Variants in ALK observed in about 807,000 individuals in gnomAD.
The protein encoded by ALK is ALK tyrosine kinase receptor.
Under a neutral mutation model 163.1 loss-of-function variants are expected in ALK, and 74 were observed. That is an observed-to-expected ratio of 0.45 (90% CI 0.38 to 0.55). ALK has a LOEUF of 0.55. Among genes scored for constraint, ALK ranks in the 20% least tolerant of loss-of-function variants. The pLI is 0.00. For missense variants in ALK, 2,063 were observed against 2,105.3 expected (o/e 0.98, Z 0.39); for synonymous variants, 960 against 843.2 (o/e 1.14, Z -2.40).
intron 3 of ALK, 97 bp downstream of exon 3, chr2:29,694,753 A>G: frequency 6.7e-7 from 1 of 1,494,214 alleles, no homozygotes; most frequent in East Asian, 2.3e-5. Context: ...AAGTAAACAG[A>G]GCAGAACAGG....
At chr2:29,592,818 A>G (rs1243806554) in intron 3 of ALK, among the ~76,000 whole-genome samples, 1 of 152,170 alleles carries the variant, frequency 6.6e-6, no homozygotes, top group Non-Finnish European at 1.5e-5. Flanking sequence ...AGACATACAT[A>G]TGAGGAAGGA....
chr2:29,488,141 C>T (rs936287342), intron 4 of ALK, among the ~76,000 whole-genome samples: 1 of 152,180 alleles, frequency 6.6e-6, no homozygotes, highest in Non-Finnish European at 1.5e-5. Context: ...AACCCCAGAA[C>T]AGTTCTCTGG....
chr2:29,448,983 C>G (rs956537578), intron 4 of ALK, among the ~76,000 whole-genome samples: 33 of 152,184 alleles, frequency 2.2e-4, no homozygotes, highest in African/African-American at 7.5e-4. Context: ...CAAAACCCCT[C>G]TACTTTACAT....
At chr2:29,377,840 A>G (rs1279032930) in intron 5 of ALK, among the ~76,000 whole-genome samples, 1 of 152,224 alleles carries the variant, frequency 6.6e-6, no homozygotes, top group Non-Finnish European at 1.5e-5. Flanking sequence ...GAGCCAGAGA[A>G]GTTAGAGAAA....
intron 1 of ALK, among the ~76,000 whole-genome samples, chr2:29,778,666 T>C (rs568132331): frequency 6.6e-6 from 1 of 152,288 alleles, no homozygotes; most frequent in African/African-American, 2.4e-5. Flanking sequence ...CCCTCATTCC[T>C]ATGGCAGCTG....
At chr2:29,603,255 T>A (rs1675429821) in intron 3 of ALK, among the ~76,000 whole-genome samples, 1 of 152,178 alleles carries the variant, frequency 6.6e-6, no homozygotes, top group Non-Finnish European at 1.5e-5. Flanking sequence ...GCTAATCTTG[T>A]CAGGATCAGA....
chr2:29,362,602 C>T (rs1415253538), intron 5 of ALK, among the ~76,000 whole-genome samples: 1 of 152,168 alleles, frequency 6.6e-6, no homozygotes, highest in Non-Finnish European at 1.5e-5. Context: ...CTCTTCTGTT[C>T]TGCACTCACT....
In ALK at chr2:29,853,854, C is replaced by T. The variant is rs1048047822; in HGVS notation, c.667+66139G>A. The stretch of plus-strand genomic sequence containing the variant: ...TTCAGATTTGCCACGTCCCTCCCCA[C>T]CTCCTGGCTTTGGGATTTACTGTTC... On this transcript the variant is annotated intron_variant, in intron 1 of 28. Coordinates refer to ENST00000389048, the MANE Select transcript of ALK (RefSeq NM_004304.5). 2.6e-4 allele frequency among the ~76,000 whole-genome samples: 39 copies of T among 152,050 alleles called. 1 individual carries two copies. The highest frequency in any genetic ancestry group is 8.9e-4 in the African/African-American group (37 of 41,402).
At chr2:29,758,733 C>A (rs1680612063) in intron 1 of ALK, among the ~76,000 whole-genome samples, 1 of 152,168 alleles carries the variant, frequency 6.6e-6, no homozygotes, top group Non-Finnish European at 1.5e-5. Flanking sequence ...CATTCTTCTT[C>A]TTCAATTAAA....
At chr2:29,424,404 A>G (rs1233344447) in intron 4 of ALK, among the ~76,000 whole-genome samples, 1 of 152,230 alleles carries the variant, frequency 6.6e-6, no homozygotes, top group Non-Finnish European at 1.5e-5. Flanking sequence ...TGCAAATTCC[A>G]GAGACCTTAG....
chr2:29,912,097 A>G (rs886479250), intron 1 of ALK, among the ~76,000 whole-genome samples: 92 of 152,222 alleles, frequency 6.0e-4, no homozygotes, highest in Admixed American at 3.9e-4. Flanking sequence ...TTTCAAAAAA[A>G]GAAATTAGCA....
chr2:29,268,012 A>G (rs1665264271), intron 11 of ALK, among the ~76,000 whole-genome samples: 1 of 152,216 alleles, frequency 6.6e-6, no homozygotes, highest in African/African-American at 2.4e-5. Context: ...GCAAGCTTTC[A>G]CTGAAACAAA....
In ALK at chr2:29,583,658, A is replaced by C. The variant is rs529699056; in HGVS notation, c.953-51542T>G. Among the ~76,000 whole-genome samples, 19 of 152,272 alleles carry C rather than the reference A, an allele frequency of 1.2e-4. 1 individual carries two copies. The highest frequency in any genetic ancestry group is 4.6e-4 in the African/African-American group (19 of 41,562). On this transcript the variant is annotated intron_variant, in intron 3 of 28. Transcript: ENST00000389048. Reference sequence around the variant, plus strand: ...CCCTAAGAGAACTATCTAGAAGGACAGTCCCCTGTACCAGTGACCTCTCTT... The same window carrying C: ...CCCTAAGAGAACTATCTAGAAGGACCGTCCCCTGTACCAGTGACCTCTCTT...
chr2:29,286,290 A>C (rs1039821188), intron 9 of ALK: 4 of 152,162 alleles, frequency 2.6e-5, no homozygotes, highest in Non-Finnish European at 5.9e-5. Flanking sequence ...TGCTTGATGG[A>C]GGCTTAATAT....
intron 3 of ALK, among the ~76,000 whole-genome samples, chr2:29,633,483 A>C (rs773074663): frequency 6.6e-6 from 1 of 152,074 alleles, no homozygotes; most frequent in Non-Finnish European, 1.5e-5. Flanking sequence ...ACAATTCTCA[A>C]ATCAACAATC....
intron 3 of ALK, among the ~76,000 whole-genome samples, chr2:29,676,109 C>T (rs995493368): frequency 2.0e-5 from 3 of 151,940 alleles, no homozygotes; most frequent in African/African-American, 7.2e-5. Flanking sequence ...CTTTTTTATG[C>T]AATGTATGAT....
chr2:29,488,312 G>A (rs905144943), intron 4 of ALK, among the ~76,000 whole-genome samples: 1 of 152,138 alleles, frequency 6.6e-6, no homozygotes, highest in Non-Finnish European at 1.5e-5. Flanking sequence ...TATTACATAA[G>A]CAGTGTTTCA....
At chr2:29,642,681 C>T (rs1676739519) in intron 3 of ALK, among the ~76,000 whole-genome samples, 2 of 152,140 alleles carry the variant, frequency 1.3e-5, no homozygotes, top group African/African-American at 4.8e-5. Flanking sequence ...CTGTCTCAGA[C>T]TCAACTCTCA....
chr2:29,441,444 T>TG (rs1373802714), intron 4 of ALK, among the ~76,000 whole-genome samples: 1 of 152,158 alleles, frequency 6.6e-6, no homozygotes, highest in African/African-American at 2.4e-5. Context: ...GCAGGGGCCA[T>TG]GAAGGCCTGA....
Sources: gnomAD v4.1 joint callset for allele counts (sites outside exome capture counted in the v4.1 genomes callset) on GRCh38, gnomAD v4.1.1 for gene constraint, MANE v1.5 for transcripts, NCBI Gene and HGNC (gene_info 2026-07-23, HGNC 2026-07-21) for gene names.